MICU2: variants seen among roughly 807,000 people sequenced by gnomAD.
MICU2 encodes calcium uptake protein 2, mitochondrial.
A neutral mutation model predicts 60.4 loss-of-function variants in MICU2; 64 were observed. The observed-to-expected ratio is 1.06, with a 90% CI of 0.87 to 1.31. The LOEUF (loss-of-function observed/expected upper bound fraction) is 1.31, where lower values mean the gene tolerates loss of function less well. Among genes scored for constraint, MICU2 ranks in the 50% most tolerant of loss-of-function variants. MICU2 has a pLI of 0.00. For synonymous variants in MICU2, 201 were observed against 175.0 expected (o/e 1.15, Z -1.17); for missense variants, 569 against 531.0 (o/e 1.07, Z -0.70).
intron 5 of MICU2, 36 bp from the exon 6 acceptor site, chr13:21,521,363 A>T: frequency 1.9e-6 from 3 of 1,556,520 alleles, no homozygotes; most frequent in Non-Finnish European, 2.6e-6. Flanking sequence ...TTAAATGTTG[A>T]TGAAAACCAA....
chr13:21,538,454 C>T (rs1810015160), intron 4 of MICU2, among the ~76,000 whole-genome samples: 1 of 150,828 alleles, frequency 6.6e-6, no homozygotes, highest in African/African-American at 2.4e-5. Flanking sequence ...CACCTGTAGT[C>T]CCAGCAGGCT....
At chr13:21,514,783 A>G (rs1413346947) in intron 6 of MICU2, among the ~76,000 whole-genome samples, 1 of 149,712 alleles carries the variant, frequency 6.7e-6, no homozygotes, top group Non-Finnish European at 1.5e-5. Context: ...TTTGTGATCC[A>G]CCCGCCTCGG....
At chr13:21,587,787 G>A (rs1888491239) in intron 1 of MICU2, among the ~76,000 whole-genome samples, 1 of 152,156 alleles carries the variant, frequency 6.6e-6, no homozygotes. Context: ...GTAAAATGAT[G>A]AATAAAAGCT....
At chr13:21,508,933 A>G (rs769859499) in intron 8 of MICU2, among the ~76,000 whole-genome samples, 2 of 152,200 alleles carry the variant, frequency 1.3e-5, no homozygotes, top group Non-Finnish European at 2.9e-5. Flanking sequence ...ACTGACTACA[A>G]TGTATTTAAA....
intron 2 of MICU2, among the ~76,000 whole-genome samples, chr13:21,560,816 A>G (rs1195915740): frequency 6.6e-6 from 1 of 152,244 alleles, no homozygotes; most frequent in Non-Finnish European, 1.5e-5. Context: ...GCCTGTAACA[A>G]CATCTAGACT....
chr13:21,520,557 ATATATC>A (rs889231183), intron 6 of MICU2, among the ~76,000 whole-genome samples: 4 of 152,142 alleles, frequency 2.6e-5, no homozygotes, highest in East Asian at 1.9e-4. Flanking sequence ...TATGCCATAT[ATATATC>A]TATATTTTCT....
Position 21,564,301 on chromosome 13 carries a change from G to A in MICU2, c.358+2496C>T, listed in dbSNP as rs116101601. On this transcript the variant is annotated intron_variant, in intron 2 of 11. Transcript: ENST00000382374. Reference sequence around the variant, plus strand: ...AGATTGGCCTTTTATGTTTATCTGGGTAGGAATCGGTTGGGTTTACTGTTT... The same window carrying A: ...AGATTGGCCTTTTATGTTTATCTGGATAGGAATCGGTTGGGTTTACTGTTT... Among the ~76,000 whole-genome samples the A allele has an allele frequency of 2.6e-3, 396 of 152,264 alleles. 1 individual carries two copies. Among genetic ancestry groups the A allele is most frequent in the African/African-American group, 9.2e-3 (382 of 41,532 alleles).
At chr13:21,569,401 C>T (rs1335503337) in intron 1 of MICU2, among the ~76,000 whole-genome samples, 1 of 152,088 alleles carries the variant, frequency 6.6e-6, no homozygotes, top group Non-Finnish European at 1.5e-5. Flanking sequence ...ACCTCTCATG[C>T]TCTGCTTATA....
At chr13:21,576,103 G>T (rs1159785768) in intron 1 of MICU2, among the ~76,000 whole-genome samples, 1 of 152,168 alleles carries the variant, frequency 6.6e-6, no homozygotes, top group Non-Finnish European at 1.5e-5. Flanking sequence ...GTTCCACGAG[G>T]ATAAATTTAA....
At chr13:21,519,159 C>T (rs1455440366) in intron 6 of MICU2, among the ~76,000 whole-genome samples, 1 of 152,160 alleles carries the variant, frequency 6.6e-6, no homozygotes, top group Non-Finnish European at 1.5e-5. Flanking sequence ...TGGGTTCAAA[C>T]GATTCTCCTG....
intron 1 of MICU2, among the ~76,000 whole-genome samples, chr13:21,586,674 G>A (rs1197097893): frequency 6.6e-6 from 1 of 151,990 alleles, no homozygotes; most frequent in African/African-American, 2.4e-5. Context: ...GGCCTTCAAA[G>A]CACTGGGATT....
chr13:21,539,341 C>T lies in MICU2; in HGVS notation c.427G>A (p.Gly143Ser). 3 of 1,613,976 alleles carry T rather than the reference C, an allele frequency of 1.9e-6. No homozygotes were observed. Among genetic ancestry groups the T allele is most frequent in the Non-Finnish European group, 2.5e-6 (3 of 1,179,938 alleles). ...TCTCTGAAAAAAGTTGATCCACAGC[C>T]AGCTGTTTGGATCCCTGACAGTGTA... is the stretch of plus-strand genomic sequence containing the variant. Reference protein sequence around the residue: ...EDTLSGIQTAGCGSTFFRDLG... With the variant: ...EDTLSGIQTASCGSTFFRDLG... Residue 143 changes from glycine (G) to serine (S), a missense_variant, in exon 4 of 12, where the codon GGC becomes AGC. Transcript: ENST00000382374.
At chr13:21,597,518 A>G (rs1456472434) in intron 1 of MICU2, among the ~76,000 whole-genome samples, 1 of 152,198 alleles carries the variant, frequency 6.6e-6, no homozygotes, top group Non-Finnish European at 1.5e-5. Context: ...TTCACCCTAG[A>G]TAAACATTTA....
chr13:21,559,353 A>G (rs1445377129), intron 2 of MICU2, among the ~76,000 whole-genome samples: 3 of 152,204 alleles, frequency 2.0e-5, no homozygotes, highest in Non-Finnish European at 2.9e-5. Context: ...TTTTGCTAAT[A>G]TAACACTGCT....
chr13:21,566,761 AT>A, intron 2 of MICU2, 35 bp downstream of exon 2: 1 of 1,499,190 alleles, frequency 6.7e-7, no homozygotes. Flanking sequence ...CTGAAGTCTG[AT>A]TTTTTTAATT....
chr13:21,514,339 T>C lies in MICU2; in HGVS notation c.663+14A>G. 2 of 1,588,468 alleles carry C rather than the reference T, an allele frequency of 1.3e-6. No individual in the cohort carries two copies. Among genetic ancestry groups the C allele is most frequent in the South Asian group, 2.3e-5 (2 of 87,260 alleles). On this transcript the variant is annotated intron_variant, in intron 7 of 11. Transcript: ENST00000382374. ...ATTATAAATATCAATTGTTTGGAAA[T>C]CATCTGTACATACCTGATATCCAGT...
At chr13:21,596,393 C>T (rs1888690862) in intron 1 of MICU2, among the ~76,000 whole-genome samples, 1 of 151,666 alleles carries the variant, frequency 6.6e-6, no homozygotes, top group Non-Finnish European at 1.5e-5. Context: ...GCAGCTTTCT[C>T]TCACCCCTGA....
At chr13:21,534,388 T>C (rs1310984064) in intron 4 of MICU2, among the ~76,000 whole-genome samples, 1 of 152,078 alleles carries the variant, frequency 6.6e-6, no homozygotes, top group African/African-American at 2.4e-5. Context: ...TTATTTTTTG[T>C]GGAGATGGGG....
chr13:21,521,647 G>A (rs1242507713), intron 5 of MICU2, among the ~76,000 whole-genome samples: 1 of 152,094 alleles, frequency 6.6e-6, no homozygotes, highest in Non-Finnish European at 1.5e-5. Context: ...CAGTACCTTG[G>A]TTATTTTCAA....
Sources: allele counts gnomAD v4.1 joint callset (sites outside exome capture counted in the v4.1 genomes callset), GRCh38; gene constraint gnomAD v4.1.1; transcripts MANE v1.5; gene names NCBI Gene and HGNC (gene_info 2026-07-23, HGNC 2026-07-21).